MBNL2: variants seen among roughly 807,000 people sequenced by gnomAD.
The protein encoded by MBNL2 is muscleblind like splicing regulator 2, also known as muscleblind-like protein 2.
A neutral mutation model predicts 41.9 loss-of-function variants in MBNL2; 17 were observed. The ratio of observed to expected loss-of-function variants is 0.41; its 90% confidence interval spans 0.28 to 0.61. The LOEUF (loss-of-function observed/expected upper bound fraction) is 0.61. Among genes scored for constraint, MBNL2 ranks in the 20% least tolerant of loss-of-function variants. The pLI, the probability that MBNL2 is intolerant of heterozygous loss-of-function variation, is 0.35. For synonymous variants in MBNL2, 195 were observed against 182.9 expected, an observed-to-expected ratio of 1.07 and a Z score of -0.53; for missense variants, 336 against 505.6, an observed-to-expected ratio of 0.66 and a Z score of 3.22.
chr13:97,156,535 C>G, the MBNL2 span, among the ~76,000 whole-genome samples: 1 of 134,926 alleles, frequency 7.4e-6, no homozygotes, highest in Non-Finnish European at 1.6e-5. Context: ...TTAGGTCTAA[C>G]GTTTAAGTCT....
chr13:97,170,796 T>C, the MBNL2 span, among the ~76,000 whole-genome samples: 1 of 152,206 alleles, frequency 6.6e-6, no homozygotes, highest in African/African-American at 2.4e-5. Context: ...TGTTCATGTC[T>C]ACAGTTTAGC....
intron 2 of MBNL2, among the ~76,000 whole-genome samples, chr13:97,310,993 T>C (rs534194622): frequency 3.5e-4 from 53 of 152,270 alleles, no homozygotes; most frequent in Non-Finnish European, 6.2e-4. Context: ...AACATGTAGA[T>C]ATGCTGAGTG....
chr13:97,356,942 CATTATT>C (rs1467100721), intron 6 of MBNL2, 93 bp downstream of exon 6: 3 of 684,920 alleles, frequency 4.4e-6, no homozygotes, highest in Admixed American at 3.0e-5. Flanking sequence ...TGCAAACAAT[CATTATT>C]ATTAATTTAT....
chr13:97,250,481 A>T (rs7321956), intron 1 of MBNL2, among the ~76,000 whole-genome samples: 112,098 of 151,894 alleles, frequency 0.74, 41,651 homozygotes, highest in African/African-American at 0.82. Flanking sequence ...CATTGAGCTT[A>T]CTCAAGAATG....
the MBNL2 span, among the ~76,000 whole-genome samples, chr13:97,174,256 C>G: frequency 6.6e-6 from 1 of 152,178 alleles, no homozygotes; most frequent in Non-Finnish European, 1.5e-5. Flanking sequence ...ATGGCTTTAA[C>G]TTCCTAACTC....
the MBNL2 span, among the ~76,000 whole-genome samples, chr13:97,194,125 A>G: frequency 6.6e-6 from 1 of 152,192 alleles, no homozygotes; most frequent in South Asian, 2.1e-4. Context: ...AAGTCTTCCC[A>G]TCATGCACAA....
chr13:97,153,756 C>T, the MBNL2 span, among the ~76,000 whole-genome samples: 11 of 152,208 alleles, frequency 7.2e-5, no homozygotes, highest in Non-Finnish European at 1.3e-4. Flanking sequence ...TCCTGGTGCC[C>T]ATTTACAAGG....
intron 2 of MBNL2, among the ~76,000 whole-genome samples, chr13:97,303,525 G>A (rs1330649723): frequency 6.6e-6 from 1 of 152,268 alleles, no homozygotes; most frequent in African/African-American, 2.4e-5. Context: ...GCTAGCTGCC[G>A]GCTCTCTCAA....
intron 1 of MBNL2, among the ~76,000 whole-genome samples, chr13:97,260,986 G>T (rs2048510603): frequency 6.6e-6 from 1 of 152,108 alleles, no homozygotes; most frequent in Non-Finnish European, 1.5e-5. Flanking sequence ...CTTCGAGGGT[G>T]TTGTCTTGCC....
chr13:97,339,190 ATGAG>A (rs2061189039), intron 3 of MBNL2, among the ~76,000 whole-genome samples: 2 of 37,044 alleles, frequency 5.4e-5, no homozygotes, highest in Non-Finnish European at 1.2e-4. Context: ...TATTGTGTAT[ATGAG>A]TGTGTTGTGT....
chr13:97,197,179 C>A, the MBNL2 span, among the ~76,000 whole-genome samples: 1 of 152,250 alleles, frequency 6.6e-6, no homozygotes, highest in African/African-American at 2.4e-5. Flanking sequence ...AACAAATGCA[C>A]TTTATTTCTT....
At chr13:97,185,464 GC>G in the MBNL2 span, among the ~76,000 whole-genome samples, 3 of 152,208 alleles carry the variant, frequency 2.0e-5, no homozygotes, top group Non-Finnish European at 4.4e-5. Context: ...CTTTGCAGCT[GC>G]AGTTAGGAAT....
At position 97,392,665 on chromosome 13, in the gene MBNL2, C is replaced by A. The variant is rs1399652065; in HGVS notation, c.*1216C>A. 2 of 152,172 alleles carry A rather than the reference C, an allele frequency of 1.3e-5. No homozygotes were observed. The highest frequency in any genetic ancestry group is 1.5e-5 in the Non-Finnish European group (1 of 67,866). The allele number at this position is 152,172 out of a possible 1,614,324, so 9.4% of individuals were successfully genotyped here. A position where few individuals can be genotyped will look rare whatever the true frequency, so the allele number is the denominator to read the frequency against. ...GTTGATCTTCAAGGTAATAGCGATA[C>A]AATTAAATTTTGTTCAGAAAGTTTG... On this transcript the variant is annotated 3_prime_UTR_variant, in exon 9 of 9. Coordinates refer to ENST00000679496, the MANE Select transcript of MBNL2 (RefSeq NM_001382683.1).
chr13:97,327,114 T>C (rs2059963622), intron 2 of MBNL2, among the ~76,000 whole-genome samples: 1 of 152,218 alleles, frequency 6.6e-6, no homozygotes, highest in South Asian at 2.1e-4. Flanking sequence ...AAATAACTGC[T>C]GAACAACTTA....
At chr13:97,302,532 C>A (rs1423233359) in intron 2 of MBNL2, among the ~76,000 whole-genome samples, 1 of 152,176 alleles carries the variant, frequency 6.6e-6, no homozygotes, top group African/African-American at 2.4e-5. Context: ...TAAAAGTGTT[C>A]TTTCCCTTAA....
At chr13:97,304,316 A>G (rs1162856849) in intron 2 of MBNL2, among the ~76,000 whole-genome samples, 4 of 152,216 alleles carry the variant, frequency 2.6e-5, no homozygotes, top group Non-Finnish European at 4.4e-5. Context: ...GAGGCTTAGC[A>G]GGGAAAGTGT....
chr13:97,348,589 T>C (rs78762637), intron 5 of MBNL2, among the ~76,000 whole-genome samples: 1 of 152,200 alleles, frequency 6.6e-6, no homozygotes, highest in African/African-American at 2.4e-5. Context: ...TCAGTCAGGT[T>C]TCCTTGCCCT....
At chr13:97,213,556 T>C in the MBNL2 span, among the ~76,000 whole-genome samples, 1 of 152,174 alleles carries the variant, frequency 6.6e-6, no homozygotes, top group Admixed American at 6.5e-5. Flanking sequence ...AACTTAGCCC[T>C]GGGTCCTTTT....
chr13:97,318,252 A>C (rs1314392473), intron 2 of MBNL2, among the ~76,000 whole-genome samples: 2 of 152,266 alleles, frequency 1.3e-5, no homozygotes, highest in East Asian at 3.8e-4. Context: ...AATTCGGCAA[A>C]CATAATTAGT....
Sources: allele counts gnomAD v4.1 joint callset (sites outside exome capture counted in the v4.1 genomes callset), GRCh38; gene constraint gnomAD v4.1.1; transcripts MANE v1.5; gene names NCBI Gene and HGNC (gene_info 2026-07-23, HGNC 2026-07-21).